Variants in SVOP observed in about 807,000 individuals in gnomAD.
The protein encoded by SVOP is synaptic vesicle 2-related protein.
SVOP carries 17 observed loss-of-function variants against 69.1 expected under a neutral mutation model. That is an observed-to-expected ratio of 0.25 (90% CI 0.17 to 0.37). The LOEUF is 0.37. Among genes scored for constraint, SVOP ranks in the 10% least tolerant of loss-of-function variants. The pLI is 1.00. For missense variants in SVOP, 435 were observed against 597.5 expected (o/e 0.73, Z 2.84); for synonymous variants, 238 against 238.6 (o/e 1.00, Z 0.02).
At chr12:108,967,438 G>T (rs2040052207) in intron 5 of SVOP, among the ~76,000 whole-genome samples, 1 of 151,998 alleles carries the variant, frequency 6.6e-6, no homozygotes, top group South Asian at 2.1e-4. Flanking sequence ...GGCAGAGCTT[G>T]CAGTGAGCCA....
At chr12:108,925,893 T>C (rs1468212671) in intron 11 of SVOP, among the ~76,000 whole-genome samples, 1 of 151,736 alleles carries the variant, frequency 6.6e-6, no homozygotes, top group Admixed American at 6.6e-5. Context: ...CTCTAACCAC[T>C]GCCCCTTTAT....
intron 11 of SVOP, among the ~76,000 whole-genome samples, chr12:108,933,659 G>A (rs546814612): frequency 2.0e-5 from 3 of 152,058 alleles, no homozygotes; most frequent in South Asian, 2.1e-4. Flanking sequence ...CAGCCTGGGC[G>A]ACAGAGCAAG....
chr12:108,959,147 G>A (rs149883096), intron 6 of SVOP, among the ~76,000 whole-genome samples: 28 of 152,054 alleles, frequency 1.8e-4, no homozygotes, highest in African/African-American at 5.8e-4. Context: ...ACAAGGGATC[G>A]CCCTGGTCCT....
chr12:108,923,321 G>A lies in SVOP; in HGVS notation c.1049-524C>T, dbSNP rs146600471. On this transcript the variant is annotated intron_variant, in intron 11 of 15. Transcript: ENST00000610966. Reference sequence around the variant, plus strand: ...TATGCTTTTCCTTGATGACTATGAAGGAGCAAGTGGCCATGTAGGTGGCCT... The same window carrying A: ...TATGCTTTTCCTTGATGACTATGAAAGAGCAAGTGGCCATGTAGGTGGCCT... Among the ~76,000 whole-genome samples, 753 of 151,954 alleles carry A rather than the reference G, an allele frequency of 5.0e-3. 3 individuals carry two copies. Among genetic ancestry groups the A allele is most frequent in the African/African-American group, 0.017 (720 of 41,230 alleles).
chr12:108,929,211 C>T (rs949252438), intron 11 of SVOP, among the ~76,000 whole-genome samples: 1 of 152,236 alleles, frequency 6.6e-6, no homozygotes, highest in Non-Finnish European at 1.5e-5. Flanking sequence ...ATAGGGGCCT[C>T]AGTCATAAAA....
chr12:108,919,178 TACACTTGGGCTTACACCC>T (rs1372073139), intron 13 of SVOP, among the ~76,000 whole-genome samples: 11 of 143,986 alleles, frequency 7.6e-5, no homozygotes, highest in East Asian at 2.1e-4. Context: ...CACTTGTACC[TACACTTGGGCTTACACCC>T]ACACTTGGGC....
chr12:108,974,318 C>T (rs1457232685), intron 4 of SVOP, among the ~76,000 whole-genome samples: 1 of 152,116 alleles, frequency 6.6e-6, no homozygotes, highest in East Asian at 1.9e-4. Flanking sequence ...TTATGATTAA[C>T]AATTATTTAT....
intron 6 of SVOP, among the ~76,000 whole-genome samples, chr12:108,951,304 G>A (rs1160202863): frequency 6.6e-6 from 1 of 152,198 alleles, no homozygotes; most frequent in African/African-American, 2.4e-5. Context: ...ATGGTGTTTG[G>A]CTGCGGTGCA....
At chr12:108,963,681 T>G (rs1181852593) in intron 5 of SVOP, among the ~76,000 whole-genome samples, 1 of 152,002 alleles carries the variant, frequency 6.6e-6, no homozygotes, top group African/African-American at 2.4e-5. Context: ...GAGTAAGTGT[T>G]TTGCCATGTT....
chr12:108,928,121 C>T (rs376091466), intron 11 of SVOP, among the ~76,000 whole-genome samples: 20 of 152,050 alleles, frequency 1.3e-4, no homozygotes, highest in African/African-American at 4.3e-4. Context: ...CCAGGCTGGT[C>T]TCAAACTCCT....
intron 5 of SVOP, among the ~76,000 whole-genome samples, chr12:108,962,502 T>G (rs2040023431): frequency 6.6e-6 from 1 of 152,146 alleles, no homozygotes; most frequent in Non-Finnish European, 1.5e-5. Flanking sequence ...TTTAAAGAAA[T>G]GGAGTGTTGC....
At chr12:108,952,230 CTTTT>C (rs36191772) in intron 6 of SVOP, among the ~76,000 whole-genome samples, 30 of 98,392 alleles carry the variant, frequency 3.0e-4, no homozygotes, top group African/African-American at 8.8e-4. Context: ...TTTCTTTTCT[CTTTT>C]TTTTTTTTTT....
chr12:109,003,915 A>G (rs899869937), intron 1 of SVOP, among the ~76,000 whole-genome samples: 13 of 152,174 alleles, frequency 8.5e-5, no homozygotes, highest in Non-Finnish European at 1.2e-4. Flanking sequence ...ACCTCCCTGC[A>G]GTTTTAAACC....
rs139276192 is a variant in SVOP, at chr12:108,960,946, G to A, written c.555C>T (p.Phe185=). The change falls in exon 6 of 16, where the codon TTC becomes TTT. Residue 185 remains phenylalanine, a synonymous_variant. Coordinates refer to ENST00000610966, the MANE Select transcript of SVOP (RefSeq NM_018711.5). ...WILVLRGLVG[F]GIGGVPQSVT... ...ACGACTGGGGAACTCCTCCGATCCC[G>A]AAGCCCACCAGGCCCCGGAGCACCA... is the stretch of plus-strand genomic sequence containing the variant. 349 of 1,536,976 alleles carry A rather than the reference G, an allele frequency of 2.3e-4. 1 individual carries two copies. In the African/African-American group the frequency reaches 2.4e-3, roughly 11 times the overall value.
intron 5 of SVOP, among the ~76,000 whole-genome samples, chr12:108,965,968 T>A: frequency 7.1e-6 from 1 of 141,698 alleles, no homozygotes; most frequent in Non-Finnish European, 1.5e-5. Flanking sequence ...CCTCCCTCCA[T>A]TCCCTCCCCC....
Position 108,952,309 on chromosome 12 carries a change from A to G in SVOP, c.579-7143T>C, listed in dbSNP as rs1593188630. 3.8e-5 allele frequency among the ~76,000 whole-genome samples: 5 copies of G among 132,572 alleles called. No homozygotes were observed. The South Asian group carries it at 1.2e-3, about 31-fold the overall frequency. The allele number at this position is 132,572 out of a possible 152,430, so 87.0% of individuals were successfully genotyped here. On this transcript the variant is annotated intron_variant, in intron 6 of 15. Transcript: ENST00000610966. ...GAGTGTAGTGGTACGATCTTGGCTC[A>G]CCGCAACCTCTAACCCCCAGGTTCA...
intron 13 of SVOP, among the ~76,000 whole-genome samples, chr12:108,919,414 C>A (rs946719646): frequency 7.9e-5 from 12 of 151,978 alleles, no homozygotes; most frequent in Non-Finnish European, 1.6e-4. Context: ...TGCACCCACA[C>A]CTGGGCCTAT....
chr12:108,926,987 T>C (rs1566048889), intron 11 of SVOP, among the ~76,000 whole-genome samples: 1 of 152,340 alleles, frequency 6.6e-6, no homozygotes, highest in East Asian at 1.9e-4. Context: ...GTAGTTTGCT[T>C]ATGGCTTTCG....
intron 15 of SVOP, among the ~76,000 whole-genome samples, chr12:108,914,956 C>T (rs533438937): frequency 6.6e-6 from 1 of 151,276 alleles, no homozygotes; most frequent in African/African-American, 2.4e-5. Context: ...AGGCAGATCA[C>T]AAGGTCAAGA....
Sources: gnomAD v4.1 joint callset for allele counts (sites outside exome capture counted in the v4.1 genomes callset) on GRCh38, gnomAD v4.1.1 for gene constraint, MANE v1.5 for transcripts, NCBI Gene and HGNC (gene_info 2026-07-23, HGNC 2026-07-21) for gene names.